SYNE2: variants seen among roughly 807,000 people sequenced by gnomAD.
SYNE2 encodes the protein nesprin-2.
In SYNE2, 431 loss-of-function variants were observed where a neutral mutation model predicts 856.3. The ratio of observed to expected loss-of-function variants is 0.50; its 90% CI spans 0.47 to 0.55. The LOEUF (loss-of-function observed/expected upper bound fraction) is 0.55. Among genes scored for constraint, SYNE2 ranks in the 20% least tolerant of loss-of-function variants. The pLI is 0.00. For missense variants in SYNE2, 8,129 were observed against 8,023.2 expected, an observed-to-expected ratio of 1.01 and a Z score of -0.50; for synonymous variants, 2,923 against 2,872.3, an observed-to-expected ratio of 1.02 and a Z score of -0.56.
intron 16 of SYNE2, 39 bp from the exon 17 acceptor site, chr14:63,982,591 C>T (rs769551525): frequency 1.3e-6 from 2 of 1,580,660 alleles, no homozygotes; most frequent in Middle Eastern, 1.7e-4. Context: ...AAGACAATAT[C>T]GTGTCATTAA....
At chr14:64,188,514 G>A in intron 97 of SYNE2, 36 bp from the exon 98 acceptor site, 1 of 1,613,836 alleles carries the variant, frequency 6.2e-7, no homozygotes, top group South Asian at 1.1e-5. Flanking sequence ...TTCCTTCCTG[G>A]CTATACTCAG....
chr14:63,816,698 TTTTTAATTTTAA>T (rs148491041), intron 1 of SYNE2, among the ~76,000 whole-genome samples: 7 of 148,700 alleles, frequency 4.7e-5, no homozygotes, highest in African/African-American at 9.8e-5. Context: ...CAAACAGGTC[TTTTTAATTTTAA>T]TTTTAATTTT....
intron 51 of SYNE2, among the ~76,000 whole-genome samples, chr14:64,067,934 C>G (rs377680395): frequency 1.8e-4 from 27 of 152,216 alleles, no homozygotes; most frequent in African/African-American, 6.3e-4. Flanking sequence ...TCTGCTGGTT[C>G]TGGGTTTTTT....
In SYNE2 at chr14:64,124,977, T is replaced by C. The variant is rs1453241836; in HGVS notation, c.13423-102T>C. 6 of 1,471,058 alleles carry C rather than the reference T, an allele frequency of 4.1e-6. No homozygotes were observed. The Admixed American group carries it at 5.7e-5, about 14-fold the overall frequency. The allele number at this position is 1,471,058 out of a possible 1,614,324, so 91.1% of individuals were successfully genotyped here. The stretch of plus-strand genomic sequence containing the variant: ...GAGATCATGCCACTGCACTCCAGCC[T>C]GGGCGACAGAGCAAGACTCCATCTC... On this transcript the variant is annotated intron_variant, in intron 70 of 115. Coordinates refer to ENST00000555002, the MANE Select transcript of SYNE2 (RefSeq NM_182914.3).
rs775736653 is a variant in SYNE2 at position 63,983,824 on chromosome 14, A to G, written c.2089A>G (p.Thr697Ala). ...TATTCTATCTAAAGAAGAGAAAGCAACTGTTGAGTTTTCAACAGATATGTC... is the reference window on the plus strand; with the variant it reads ...TATTCTATCTAAAGAAGAGAAAGCAGCTGTTGAGTTTTCAACAGATATGTC... ...GNILSKEEKA[T>A]VEFSTDMSVE... The change falls in exon 18 of 116, where the codon ACT becomes GCT. Residue 697 changes from threonine to alanine, a missense_variant. Thr to Ala is a moderately conservative substitution (Grantham distance 58, BLOSUM62 0). Around this residue, in one of 3 missense-constraint regions of SYNE2, gnomAD observed 2,422 missense variants for 2,357.4 expected, o/e 1.03. Coordinates refer to ENST00000555002, the MANE Select transcript of SYNE2 (RefSeq NM_182914.3). The G allele has an allele frequency of 6.2e-7, 1 of 1,608,406 alleles. No individual in the cohort carries two copies. Among genetic ancestry groups the G allele is most frequent in the Non-Finnish European group, 8.5e-7 (1 of 1,175,452 alleles).
At chr14:64,021,699 T>C (rs1177020366) in intron 36 of SYNE2, among the ~76,000 whole-genome samples, 158 bp from the exon 37 acceptor site, 1 of 152,266 alleles carries the variant, frequency 6.6e-6, no homozygotes, top group Non-Finnish European at 1.5e-5. Flanking sequence ...TTATTTGATA[T>C]TAACTTGCAT....
chr14:63,931,332 A>G (rs1213629991), intron 2 of SYNE2, among the ~76,000 whole-genome samples: 1 of 152,026 alleles, frequency 6.6e-6, no homozygotes, highest in Admixed American at 6.6e-5. Flanking sequence ...CAGGTGGATC[A>G]TGAGGTCAGG....
intron 1 of SYNE2, among the ~76,000 whole-genome samples, chr14:63,867,726 TGAAAGAATGAAA>T (rs1002438558): frequency 7.1e-5 from 4 of 56,070 alleles, no homozygotes; most frequent in Admixed American, 2.3e-4. Flanking sequence ...ATAAAAAGAA[TGAAAGAATGAAA>T]GAAAGAGAGA....
intron 1 of SYNE2, among the ~76,000 whole-genome samples, chr14:63,867,336 C>G (rs1449634502): frequency 2.0e-5 from 3 of 150,604 alleles, no homozygotes; most frequent in African/African-American, 7.3e-5. Context: ...TAAAATTGGC[C>G]TATGTTAATT....
chr14:64,188,445 G>A, intron 97 of SYNE2, 105 bp from the exon 98 acceptor site: 2 of 1,303,924 alleles, frequency 1.5e-6, no homozygotes, highest in Non-Finnish European at 2.2e-6. Context: ...GTTGAGTGCG[G>A]AGAGCTACTG....
Position 64,225,988 on chromosome 14 carries a change from G to T in SYNE2, c.*462G>T, listed in dbSNP as rs550900140. ...GGAAACAATCAATCATATTTAATAC[G>T]CTTAGAATCAGTTTTACTCCAATCA... On this transcript the variant is annotated 3_prime_UTR_variant, in exon 116 of 116. Transcript: ENST00000555002. The T allele has an allele frequency of 2.3e-5, 6 of 257,820 alleles. No homozygotes were observed. Among genetic ancestry groups the T allele is most frequent in the South Asian group, 7.4e-5 (1 of 13,582 alleles). The allele number at this position is 257,820 out of a possible 1,614,324, so 16.0% of individuals were successfully genotyped here.
At chr14:64,225,146 T>TTTTC in intron 115 of SYNE2, 101 bp downstream of exon 115, 1 of 1,558,110 alleles carries the variant, frequency 6.4e-7, no homozygotes, top group Non-Finnish European at 8.8e-7. Flanking sequence ...AAAAATCTGG[T>TTTTC]TTTCTTTTGT....
Position 63,945,968 on chromosome 14 carries a change from G to T in SYNE2, c.408+3825G>T, listed in dbSNP as rs191041935. ...TGGAACTGATGGTGTCAGAACATATGATCTTTAGCTTTAGTATATACTGCC... is the reference window on the plus strand; with the variant it reads ...TGGAACTGATGGTGTCAGAACATATTATCTTTAGCTTTAGTATATACTGCC... On this transcript the variant is annotated intron_variant, in intron 6 of 115. Coordinates refer to ENST00000555002, the MANE Select transcript of SYNE2 (RefSeq NM_182914.3). Among the ~76,000 whole-genome samples, 238 of 152,244 alleles carry T rather than the reference G, an allele frequency of 1.6e-3. 1 individual carries two copies. Among genetic ancestry groups the T allele is most frequent in the African/African-American group, 5.4e-3 (224 of 41,540 alleles).
At chr14:64,195,463 C>A (rs2098536894) in intron 99 of SYNE2, among the ~76,000 whole-genome samples, 1 of 152,170 alleles carries the variant, frequency 6.6e-6, no homozygotes, top group Non-Finnish European at 1.5e-5. Flanking sequence ...TACCGTATGA[C>A]CTTGAAGATT....
chr14:64,074,051 C>G lies in SYNE2; in HGVS notation c.10781C>G (p.Ala3594Gly). The change falls in exon 53 of 116, where the codon GCT becomes GGT. Residue 3594 changes from alanine to glycine, a missense_variant. By Grantham distance (60) the Ala-to-Gly change is moderately conservative. This residue lies in a region of SYNE2 where 5,410 missense variants were observed against 5,284.8 expected (regional missense o/e 1.02). Coordinates refer to ENST00000555002, the MANE Select transcript of SYNE2 (RefSeq NM_182914.3). ...CATTCCTTCACAAAAGAGATAATTG[C>G]TTTGAAGAATTTCTTTCAACAGACC... Reference protein sequence around the residue: ...ERHSFTKEIIALKNFFQQTTT... With the variant: ...ERHSFTKEIIGLKNFFQQTTT... 1 of 1,614,054 alleles carries G rather than the reference C, an allele frequency of 6.2e-7. No individual in the cohort carries two copies. Among genetic ancestry groups the G allele is most frequent in the Non-Finnish European group, 8.5e-7 (1 of 1,179,910 alleles).
intron 1 of SYNE2, among the ~76,000 whole-genome samples, chr14:63,885,606 G>C (rs907929735): frequency 2.0e-5 from 3 of 150,806 alleles, no homozygotes; most frequent in Non-Finnish European, 4.4e-5. Context: ...TTTTAATTTC[G>C]ATATATTTTT....
At chr14:64,219,472 C>A in intron 110 of SYNE2, 62 bp downstream of exon 110, 2 of 1,541,534 alleles carry the variant, frequency 1.3e-6, no homozygotes, top group Non-Finnish European at 1.8e-6. Context: ...CATTGCTATG[C>A]TGGACGAGCA....
rs756937805 is a variant in SYNE2 at position 64,090,906 on chromosome 14, C to T, written c.11834C>T (p.Ala3945Val). Residue 3945 changes from alanine (A) to valine (V), a missense_variant, in exon 60 of 116, where the codon GCT becomes GTT. Ala to Val is a moderately conservative substitution (Grantham distance 64). Around this residue, in one of 3 missense-constraint regions of SYNE2, gnomAD observed 5,410 missense variants for 5,284.8 expected, o/e 1.02. Coordinates refer to ENST00000555002, the MANE Select transcript of SYNE2 (RefSeq NM_182914.3). ...ENIRPMKKTI[A>V]EIVSYQVELR... is the part of the protein sequence containing the mutation. ...ATACGTCCCATGAAGAAAACCATTG[C>T]TGAGATAGTGTCTTACCAAGTGGAA... 7.4e-6 allele frequency: 12 copies of T among 1,614,080 alleles called. No individual in the cohort carries two copies. Among genetic ancestry groups the T allele is most frequent in the Non-Finnish European group, 1.0e-5 (12 of 1,180,008 alleles).
chr14:64,098,441 A>C, intron 62 of SYNE2: 1 of 584,322 alleles, frequency 1.7e-6, no homozygotes, highest in Non-Finnish European at 3.0e-6. Flanking sequence ...CAGAAAAGTC[A>C]GCCCTTTGCA....
Sources: gnomAD v4.1 joint callset for allele counts (sites outside exome capture counted in the v4.1 genomes callset) on GRCh38, gnomAD v4.1.1 for gene constraint, gnomAD v4.1.1 regional missense constraint, MANE v1.5 for transcripts, NCBI Gene and HGNC (gene_info 2026-07-23, HGNC 2026-07-21) for gene names.